P4HA1: variants seen among roughly 807,000 people sequenced by gnomAD.
P4HA1 encodes prolyl 4-hydroxylase subunit alpha 1, also known as prolyl 4-hydroxylase subunit alpha-1.
In P4HA1, 24 loss-of-function variants were observed where a neutral mutation model predicts 72.8. The ratio of observed to expected loss-of-function variants is 0.33; its 90% confidence interval spans 0.24 to 0.46. P4HA1 has a LOEUF of 0.46. P4HA1 is among the 20% of genes least tolerant of loss of function. The probability of loss-of-function intolerance (pLI) is 1.00; values close to 1 mark genes in which losing one functional copy is unlikely to be tolerated. For synonymous variants in P4HA1, 201 were observed against 218.8 expected, an observed-to-expected ratio of 0.92 and a Z score of 0.72; for missense variants, 446 against 640.6, an observed-to-expected ratio of 0.70 and a Z score of 3.28.
chr10:73,033,289 TCA>T (rs1301371329), intron 9 of P4HA1, among the ~76,000 whole-genome samples: 1 of 152,194 alleles, frequency 6.6e-6, no homozygotes, highest in Non-Finnish European at 1.5e-5. Context: ...CTGGAACCTA[TCA>T]CCCACAGAGA....
In P4HA1 at chr10:73,044,290, T is replaced by G. The variant is rs548496984; in HGVS notation, c.1148+691A>C. ...AGATCTAGAAGTTATTTAAATATTT[T>G]GAAAAAAAATAGTAGACTCCTTAAA... On this transcript the variant is annotated intron_variant, in intron 9 of 14. Transcript: ENST00000394890. 1.5e-4 allele frequency among the ~76,000 whole-genome samples: 23 copies of G among 152,226 alleles called. No homozygotes were observed. The South Asian group carries it at 4.8e-3, about 32-fold the overall frequency.
chr10:73,074,974 T>C (rs1841663229), intron 1 of P4HA1, 59 bp from the exon 2 acceptor site: 1 of 642,058 alleles, frequency 1.6e-6, no homozygotes, highest in East Asian at 2.8e-5. Flanking sequence ...GAAGGAAAAG[T>C]TCCTTATCTA....
chr10:73,075,232 T>TA (rs1264445149), intron 1 of P4HA1, among the ~76,000 whole-genome samples: 2 of 152,022 alleles, frequency 1.3e-5, no homozygotes, highest in South Asian at 2.1e-4. Flanking sequence ...CTCAGCCTCC[T>TA]AAGTAGTTGG....
chr10:73,008,374 A>G, intron 14 of P4HA1, 82 bp from the exon 15 acceptor site: 1 of 878,222 alleles, frequency 1.1e-6, no homozygotes, highest in South Asian at 1.5e-5. Flanking sequence ...GGTCTATAAC[A>G]AAGTTTCATC....
At chr10:73,057,362 T>C (rs1295818611) in intron 5 of P4HA1, among the ~76,000 whole-genome samples, 1 of 151,858 alleles carries the variant, frequency 6.6e-6, no homozygotes, top group Non-Finnish European at 1.5e-5. Flanking sequence ...TGGTGGTGGG[T>C]GCTTGTAGTC....
At chr10:73,075,759 GTA>G (rs919107535) in intron 1 of P4HA1, among the ~76,000 whole-genome samples, 1 of 150,326 alleles carries the variant, frequency 6.7e-6, no homozygotes, top group African/African-American at 2.5e-5. Context: ...GTGTGTGTGT[GTA>G]TGTGTGTATG....
chr10:73,064,248 G>A (rs1841372441), intron 5 of P4HA1, among the ~76,000 whole-genome samples: 1 of 152,114 alleles, frequency 6.6e-6, no homozygotes, highest in South Asian at 2.1e-4. Context: ...GTGCGGGGGG[G>A]TGGATTGCTT....
At chr10:73,095,991 A>C (rs968960039) in intron 1 of P4HA1, among the ~76,000 whole-genome samples, 3 of 152,252 alleles carry the variant, frequency 2.0e-5, no homozygotes, top group Admixed American at 1.3e-4. Context: ...GGACTTTTAA[A>C]AGCTGCAAAT....
chr10:73,049,188 G>T lies in P4HA1; in HGVS notation c.900+1865C>A, dbSNP rs555544295. ...TGTATTTACTCATTAGCTCAAGCAT[G>T]TCCTCCTAGGACTCCATGAACCTAT... On this transcript the variant is annotated intron_variant, in intron 7 of 14. Transcript: ENST00000394890. Among the ~76,000 whole-genome samples, 11 of 151,986 alleles carry T rather than the reference G, an allele frequency of 7.2e-5. No homozygotes were observed. The East Asian group carries it at 2.1e-3, about 29-fold the overall frequency.
intron 9 of P4HA1, chr10:73,043,739 C>T (rs553457815): frequency 6.0e-6 from 4 of 671,474 alleles, no homozygotes; most frequent in East Asian, 5.6e-5. Context: ...TTTATTAGTC[C>T]GTCATGAAAA....
chr10:73,066,542 G>C (rs1237734806), intron 5 of P4HA1, among the ~76,000 whole-genome samples: 1 of 151,928 alleles, frequency 6.6e-6, no homozygotes, highest in Admixed American at 6.6e-5. Context: ...TTTGAGATAG[G>C]GGTCTCACTC....
intron 1 of P4HA1, among the ~76,000 whole-genome samples, chr10:73,081,974 C>G (rs1184952924): frequency 6.6e-6 from 1 of 152,188 alleles, no homozygotes; most frequent in Non-Finnish European, 1.5e-5. Flanking sequence ...CAAGATGGCA[C>G]CACCACACTC....
intron 3 of P4HA1, among the ~76,000 whole-genome samples, 162 bp from the exon 4 acceptor site, chr10:73,072,342 G>A (rs1257330641): frequency 3.9e-5 from 6 of 152,208 alleles, no homozygotes; most frequent in East Asian, 1.9e-4. Flanking sequence ...TTTAAAAAGC[G>A]ACATCCTCTT....
intron 9 of P4HA1, among the ~76,000 whole-genome samples, chr10:73,041,550 A>G (rs1443232174): frequency 6.8e-6 from 1 of 147,966 alleles, no homozygotes; most frequent in Admixed American, 6.7e-5. Context: ...CCCCCCCCCA[A>G]AAAAAAAAAA....
At chr10:73,034,232 T>G (rs76289429) in intron 9 of P4HA1, among the ~76,000 whole-genome samples, 7,406 of 152,148 alleles carry the variant, frequency 0.049, 577 homozygotes, top group African/African-American at 0.16. Flanking sequence ...TAAAAATTTG[T>G]GGTAAAATAC....
intron 9 of P4HA1, among the ~76,000 whole-genome samples, chr10:73,033,304 G>A (rs78746248): frequency 0.049 from 7,430 of 152,168 alleles, 584 homozygotes; most frequent in African/African-American, 0.16. Context: ...CACAGAGAAC[G>A]TGTCTTCTGA....
At chr10:73,019,730 GAAAAA>G (rs3066045) in intron 10 of P4HA1, among the ~76,000 whole-genome samples, 5 of 65,224 alleles carry the variant, frequency 7.7e-5, no homozygotes, top group East Asian at 5.9e-4. Flanking sequence ...CTCTGTCTCA[GAAAAA>G]AAAAAAAAAA....
intron 7 of P4HA1, among the ~76,000 whole-genome samples, chr10:73,050,622 C>T (rs1287475016): frequency 6.6e-6 from 1 of 151,766 alleles, no homozygotes; most frequent in South Asian, 2.1e-4. Context: ...ATCGCTTGAA[C>T]CCAAGAGGCG....
At chr10:73,012,542 G>A (rs1276365812) in intron 12 of P4HA1, among the ~76,000 whole-genome samples, 1 of 152,096 alleles carries the variant, frequency 6.6e-6, no homozygotes, top group Non-Finnish European at 1.5e-5. Flanking sequence ...ACAAGATGGA[G>A]TTGTGAGAGA....
Sources: allele counts gnomAD v4.1 joint callset (sites outside exome capture counted in the v4.1 genomes callset), GRCh38; gene constraint gnomAD v4.1.1; transcripts MANE v1.5; gene names NCBI Gene and HGNC (gene_info 2026-07-23, HGNC 2026-07-21).